The following TCF7L2 variants were observed in gnomAD, a reference collection of about 807,000 sequenced individuals.
The protein encoded by TCF7L2 is transcription factor 7-like 2.
Under a neutral mutation model 77.9 loss-of-function variants are expected in TCF7L2, and 23 were observed. The ratio of observed to expected loss-of-function variants is 0.30; its 90% confidence interval spans 0.21 to 0.42. The LOEUF is 0.42. Among genes scored for constraint, TCF7L2 ranks in the 10% least tolerant of loss-of-function variants. TCF7L2 has a pLI of 1.00. For synonymous variants in TCF7L2, 413 were observed against 340.2 expected, an observed-to-expected ratio of 1.21 and a Z score of -2.36; for missense variants, 654 against 793.1, an observed-to-expected ratio of 0.82 and a Z score of 2.11.
intron 4 of TCF7L2, among the ~76,000 whole-genome samples, chr10:113,007,836 C>T (rs2045824633): frequency 6.6e-6 from 1 of 152,214 alleles, no homozygotes; most frequent in African/African-American, 2.4e-5. Context: ...CTGAAGTTAT[C>T]CTTGCCCCGA....
rs1341243216 is a variant in TCF7L2 at position 112,965,635 on chromosome 10, G to A, written c.450+1011G>A. 5.5e-3 allele frequency among the ~76,000 whole-genome samples: 129 copies of A among 23,510 alleles called. 1 individual carries two copies. The highest frequency in any genetic ancestry group is 0.013 in the African/African-American group (109 of 8,450). The allele number at this position is 23,510 out of a possible 152,430, so 15.4% of individuals were successfully genotyped here. ...CTTGTCTGTGTGTGTGTATATGTGT[G>A]TGTGTGTGTGTGTGTGTGTGTGTGT... On this transcript the variant is annotated intron_variant, in intron 4 of 13. Coordinates refer to ENST00000627217, the MANE Select transcript of TCF7L2 (RefSeq NM_001146274.2).
intron 5 of TCF7L2, among the ~76,000 whole-genome samples, chr10:113,069,571 C>G (rs1488493009): frequency 1.3e-5 from 2 of 152,114 alleles, no homozygotes; most frequent in African/African-American, 2.4e-5. Context: ...CTTGCCTAAC[C>G]CGTCCAGGAG....
rs2071680941 is a variant in TCF7L2, at chr10:113,155,521, C to A, written c.1270-2500C>A. ...TCCCTGTCCTCCAGAAGTCTCTAGTCTAAATGACAACTTCTTCAGTAGTCA... is the reference window on the plus strand; with the variant it reads ...TCCCTGTCCTCCAGAAGTCTCTAGTATAAATGACAACTTCTTCAGTAGTCA... On this transcript the variant is annotated intron_variant, in intron 11 of 13. Coordinates refer to ENST00000627217, the MANE Select transcript of TCF7L2 (RefSeq NM_001146274.2). Among the ~76,000 whole-genome samples the A allele has an allele frequency of 2.0e-5, 3 of 152,220 alleles. No individual in the cohort carries two copies. The South Asian group carries it at 6.2e-4, about 32-fold the overall frequency.
In TCF7L2 at chr10:112,964,520, A is replaced by G. The variant is rs746252170; in HGVS notation, c.382-36A>G. 5.0e-6 allele frequency: 8 copies of G among 1,598,460 alleles called. No individual in the cohort carries two copies. In the Admixed American group the frequency reaches 1.2e-4, roughly 23 times the overall value. On this transcript the variant is annotated intron_variant, in intron 3 of 13. Coordinates refer to ENST00000627217, the MANE Select transcript of TCF7L2 (RefSeq NM_001146274.2). ...AAGATGTTTTCTTGTAGTTTGTGAC[A>G]TAAGCAGAACGCTTTGATTTGGTTT...
intron 11 of TCF7L2, among the ~76,000 whole-genome samples, chr10:113,157,233 C>T (rs2072116211): frequency 6.6e-6 from 1 of 152,224 alleles, no homozygotes. Context: ...ATTCTCCTGC[C>T]TCGGCCTCCC....
At position 113,061,139 on chromosome 10, in the gene TCF7L2, A is replaced by AC. The variant is rs903940481; in HGVS notation, c.552+21020dup. On this transcript the variant is annotated intron_variant, in intron 5 of 13. Coordinates refer to ENST00000627217, the MANE Select transcript of TCF7L2 (RefSeq NM_001146274.2). Reference sequence around the variant, plus strand: ...GTGGCCCCTACCTGCACCACCCCTCACCCCCCCGACAAAAATCAAGCTCTT... The same window carrying AC: ...GTGGCCCCTACCTGCACCACCCCTCACCCCCCCCGACAAAAATCAAGCTCTT... 2.8e-4 allele frequency among the ~76,000 whole-genome samples: 42 copies of AC among 149,772 alleles called. 1 individual carries two copies. The highest frequency in any genetic ancestry group is 1.6e-3 in the Admixed American group (24 of 14,992).
chr10:112,968,356 T>G (rs1325036397), intron 4 of TCF7L2, among the ~76,000 whole-genome samples: 1 of 152,210 alleles, frequency 6.6e-6, no homozygotes, highest in Non-Finnish European at 1.5e-5. Flanking sequence ...ACGGCAAGGA[T>G]GAAGACCTTT....
At chr10:113,128,982 A>G (rs532522777) in intron 5 of TCF7L2, among the ~76,000 whole-genome samples, 13 of 152,134 alleles carry the variant, frequency 8.5e-5, no homozygotes, top group African/African-American at 2.9e-4. Flanking sequence ...TTCCTGGGGA[A>G]AGCTCACAAA....
chr10:112,982,781 C>G (rs1226816374), intron 4 of TCF7L2, among the ~76,000 whole-genome samples: 1 of 152,118 alleles, frequency 6.6e-6, no homozygotes. Context: ...CGCACTACCA[C>G]GCCCGGCTAA....
chr10:113,152,553 A>G (rs568207207), intron 11 of TCF7L2, 113 bp downstream of exon 11: 27 of 810,400 alleles, frequency 3.3e-5, no homozygotes, highest in East Asian at 1.3e-4. Context: ...GGACCATCCA[A>G]TCTGCCCGCT....
In TCF7L2 at chr10:113,130,921, A is replaced by G. The variant is rs372393008; in HGVS notation, c.553-10263A>G. Among the ~76,000 whole-genome samples, 98 of 152,068 alleles carry G rather than the reference A, an allele frequency of 6.4e-4. 1 individual carries two copies. Among genetic ancestry groups the G allele is most frequent in the East Asian group, 1.2e-3 (6 of 5,174 alleles). ...GCTGGTATTACAGGCACCCGCCACC[A>G]TGCCCAGATAATTTTTGTATTTTTA... On this transcript the variant is annotated intron_variant, in intron 5 of 13. Coordinates refer to ENST00000627217, the MANE Select transcript of TCF7L2 (RefSeq NM_001146274.2).
At chr10:113,045,034 G>A (rs58936777) in intron 5 of TCF7L2, among the ~76,000 whole-genome samples, 7,037 of 151,886 alleles carry the variant, frequency 0.046, 520 homozygotes, top group African/African-American at 0.16. Flanking sequence ...AGAAAGGAGA[G>A]TCAAAGGTAG....
intron 4 of TCF7L2, among the ~76,000 whole-genome samples, chr10:113,026,051 G>GTATTTT (rs1180923175): frequency 7.0e-6 from 1 of 143,380 alleles, no homozygotes; most frequent in Non-Finnish European, 1.5e-5. Flanking sequence ...GCTAATTTTT[G>GTATTTT]TATTTTTATT....
At chr10:113,102,951 C>T (rs556610352) in intron 5 of TCF7L2, among the ~76,000 whole-genome samples, 30 of 152,316 alleles carry the variant, frequency 2.0e-4, no homozygotes, top group Non-Finnish European at 3.1e-4. Context: ...ATAAGCTAGT[C>T]GCTAACATGT....
chr10:113,117,387 C>T (rs1239414979), intron 5 of TCF7L2, among the ~76,000 whole-genome samples: 1 of 15,564 alleles, frequency 6.4e-5, no homozygotes, highest in East Asian at 5.8e-4. Context: ...CTCTCTCTCT[C>T]TCTCTCTCTC....
chr10:113,153,647 AC>A (rs1240398807), intron 11 of TCF7L2, among the ~76,000 whole-genome samples: 2 of 152,048 alleles, frequency 1.3e-5, no homozygotes, highest in Non-Finnish European at 2.9e-5. Context: ...TGGGTCACTT[AC>A]TCCCATCACC....
intron 5 of TCF7L2, among the ~76,000 whole-genome samples, chr10:113,137,255 CT>C (rs1158607309): frequency 6.6e-6 from 1 of 152,182 alleles, no homozygotes; most frequent in Non-Finnish European, 1.5e-5. Flanking sequence ...TGTATCCCCC[CT>C]GCTCCGTGAA....
chr10:112,951,065 C>A, intron 1 of TCF7L2, 120 bp downstream of exon 1: 1 of 1,361,132 alleles, frequency 7.3e-7, no homozygotes, highest in Non-Finnish European at 1.0e-6. Flanking sequence ...GCGGCGTGTG[C>A]GTACGGTGCC....
At chr10:113,016,314 A>T (rs2047336194) in intron 4 of TCF7L2, among the ~76,000 whole-genome samples, 1 of 152,050 alleles carries the variant, frequency 6.6e-6, no homozygotes, top group Non-Finnish European at 1.5e-5. Context: ...GGATCAGCCC[A>T]CCTCGGCCTC....
Sources: gnomAD v4.1 joint callset for allele counts (sites outside exome capture counted in the v4.1 genomes callset) on GRCh38, gnomAD v4.1.1 for gene constraint, MANE v1.5 for transcripts, NCBI Gene and HGNC (gene_info 2026-07-23, HGNC 2026-07-21) for gene names.